STXBP5L: variants seen among roughly 807,000 people sequenced by gnomAD.
STXBP5L encodes syntaxin binding protein 5L, also known as syntaxin-binding protein 5-like.
In STXBP5L, 65 loss-of-function variants were observed where a neutral mutation model predicts 144.5. The observed-to-expected ratio is 0.45, with a 90% CI of 0.37 to 0.55. STXBP5L has a LOEUF of 0.55. Ranked by LOEUF, STXBP5L falls within the 20% of genes least tolerant of loss-of-function variation. STXBP5L has a pLI of 0.00. For missense variants in STXBP5L, 1,298 were observed against 1,405.5 expected (o/e 0.92, Z 1.22); for synonymous variants, 505 against 469.6 (o/e 1.08, Z -0.97).
rs187069530 is a variant in STXBP5L at position 121,225,877 on chromosome 3, C to A, written c.1111+2720C>A. Among the ~76,000 whole-genome samples, 76 of 152,268 alleles carry A rather than the reference C, an allele frequency of 5.0e-4. No homozygotes were observed. The East Asian group carries it at 7.9e-3, about 16-fold the overall frequency. ...AATGAGTTCCTCGTGCATTATGAAGCCCTTGAGAGACTTCTCAGGTTGGTA... is the reference window on the plus strand; with the variant it reads ...AATGAGTTCCTCGTGCATTATGAAGACCTTGAGAGACTTCTCAGGTTGGTA... On this transcript the variant is annotated intron_variant, in intron 11 of 26. Coordinates refer to ENST00000471454, the MANE Select transcript of STXBP5L (RefSeq NM_001308330.2).
At chr3:121,110,074 A>T (rs9855194) in intron 5 of STXBP5L, among the ~76,000 whole-genome samples, 15,108 of 152,084 alleles carry the variant, frequency 0.099, 1,180 homozygotes, top group Admixed American at 0.2. Context: ...ATTTTCCCTC[A>T]TCCTTTTATT....
intron 3 of STXBP5L, among the ~76,000 whole-genome samples, chr3:120,994,805 G>A (rs1255212576): frequency 6.6e-6 from 1 of 151,942 alleles, no homozygotes; most frequent in African/African-American, 2.4e-5. Context: ...CATTGAATTA[G>A]GGGGAATTTA....
intron 20 of STXBP5L, among the ~76,000 whole-genome samples, chr3:121,341,038 A>C (rs1470017063): frequency 3.9e-5 from 6 of 152,178 alleles, no homozygotes; most frequent in Non-Finnish European, 7.4e-5. Flanking sequence ...AAGATTCTGC[A>C]GAAGAAAGGA....
At chr3:121,129,213 T>C (rs2044858050) in intron 7 of STXBP5L, among the ~76,000 whole-genome samples, 1 of 152,032 alleles carries the variant, frequency 6.6e-6, no homozygotes, top group Non-Finnish European at 1.5e-5. Context: ...GCTGGAATAA[T>C]ACTCATATTG....
chr3:121,005,465 G>A (rs1438469216), intron 3 of STXBP5L, among the ~76,000 whole-genome samples: 1 of 152,090 alleles, frequency 6.6e-6, no homozygotes, highest in Non-Finnish European at 1.5e-5. Context: ...AGTCATGCTA[G>A]CGGTCTATCA....
rs184368126 is a variant in STXBP5L at position 121,342,222 on chromosome 3, T to C, written c.2176+23682T>C. Among the ~76,000 whole-genome samples, 8 of 152,192 alleles carry C rather than the reference T, an allele frequency of 5.3e-5. No individual in the cohort carries two copies. The East Asian group carries it at 1.5e-3, about 29-fold the overall frequency. ...TGTTCAAGGATCAACTGCATAAACATTTCTCATTCCTAATAAACAGGAGTT... is the reference window on the plus strand; with the variant it reads ...TGTTCAAGGATCAACTGCATAAACACTTCTCATTCCTAATAAACAGGAGTT... On this transcript the variant is annotated intron_variant, in intron 20 of 26. Coordinates refer to ENST00000471454, the MANE Select transcript of STXBP5L (RefSeq NM_001308330.2).
At chr3:121,297,188 T>C (rs184381785) in intron 19 of STXBP5L, among the ~76,000 whole-genome samples, 1 of 136,502 alleles carries the variant, frequency 7.3e-6, no homozygotes, top group Non-Finnish European at 1.6e-5. Flanking sequence ...AGAATCTGAA[T>C]GATTCTACAT....
intron 3 of STXBP5L, among the ~76,000 whole-genome samples, chr3:120,989,507 T>C (rs934122153): frequency 7.2e-5 from 11 of 152,196 alleles, no homozygotes; most frequent in African/African-American, 2.7e-4. Flanking sequence ...TTGAGTTGTT[T>C]GAATTCCTTG....
At chr3:121,288,673 A>G (rs2051313725) in intron 19 of STXBP5L, among the ~76,000 whole-genome samples, 1 of 152,216 alleles carries the variant, frequency 6.6e-6, no homozygotes, top group Non-Finnish European at 1.5e-5. Context: ...TCTTTTGCCT[A>G]CTTTTTAATA....
chr3:120,982,291 C>T lies in STXBP5L; in HGVS notation c.287+27254C>T, dbSNP rs77110414. ...TTTCCAGGAATTCCCTGCTGAGCTT[C>T]CATAGGTGGGGGGACAAAGCTGGGT... On this transcript the variant is annotated intron_variant, in intron 3 of 26. Transcript: ENST00000471454. 2.8e-4 allele frequency among the ~76,000 whole-genome samples: 42 copies of T among 152,226 alleles called. 1 individual carries two copies. In the East Asian group the frequency reaches 8.1e-3, roughly 29 times the overall value.
At chr3:121,411,992 A>T (rs1480565923) in intron 23 of STXBP5L, among the ~76,000 whole-genome samples, 1 of 152,150 alleles carries the variant, frequency 6.6e-6, no homozygotes, top group Non-Finnish European at 1.5e-5. Flanking sequence ...CATTTAATCC[A>T]TCAAGAACAT....
rs184992095 is a variant in STXBP5L, at chr3:121,094,495, C to G, written c.471-20430C>G. ...TATATATTTAGGATAGTTAGCTCTTCTTGTTGAATTAGTCCCTTTACCATT... is the reference window on the plus strand; with the variant it reads ...TATATATTTAGGATAGTTAGCTCTTGTTGTTGAATTAGTCCCTTTACCATT... On this transcript the variant is annotated intron_variant, in intron 5 of 26. Transcript: ENST00000471454. 3.9e-5 allele frequency among the ~76,000 whole-genome samples: 6 copies of G among 152,220 alleles called. No homozygotes were observed. The East Asian group carries it at 1.2e-3, about 29-fold the overall frequency.
intron 3 of STXBP5L, among the ~76,000 whole-genome samples, chr3:120,958,232 C>T (rs1938279630): frequency 6.6e-6 from 1 of 152,170 alleles, no homozygotes; most frequent in Non-Finnish European, 1.5e-5. Context: ...TCTGAATACA[C>T]CAATAACAGG....
chr3:121,423,207 C>T lies in STXBP5L; in HGVS notation c.*4110C>T, dbSNP rs1560077532. On this transcript the variant is annotated 3_prime_UTR_variant, in exon 27 of 27. Transcript: ENST00000471454. ...GTCAGGAGAAACGTGGTGGCTTTCA[C>T]AGCTTCTTCACCTCTGTCCTCTGTC... The T allele has an allele frequency of 6.6e-6, 1 of 152,300 alleles. No individual in the cohort carries two copies. Among genetic ancestry groups the T allele is most frequent in the Non-Finnish European group, 1.5e-5 (1 of 68,106 alleles). 9.4% of individuals were successfully genotyped at this position (152,300 alleles called of 1,614,324 possible).
At chr3:121,347,557 C>T (rs936738573) in intron 20 of STXBP5L, among the ~76,000 whole-genome samples, 4 of 152,144 alleles carry the variant, frequency 2.6e-5, no homozygotes, top group African/African-American at 9.7e-5. Context: ...GCAGTATGGC[C>T]ATTTTCACGA....
intron 20 of STXBP5L, among the ~76,000 whole-genome samples, chr3:121,343,761 A>G (rs1413515529): frequency 3.3e-5 from 5 of 152,172 alleles, no homozygotes; most frequent in African/African-American, 1.2e-4. Context: ...ACATAAACAA[A>G]TGGAAGAACA....
At chr3:121,397,531 C>A (rs558703846) in intron 22 of STXBP5L, among the ~76,000 whole-genome samples, 3 of 152,130 alleles carry the variant, frequency 2.0e-5, no homozygotes, top group African/African-American at 7.2e-5. Context: ...AGGTTCTGGA[C>A]GCTTAACAAT....
At chr3:121,327,040 C>T (rs1284013456) in intron 20 of STXBP5L, among the ~76,000 whole-genome samples, 3 of 152,190 alleles carry the variant, frequency 2.0e-5, no homozygotes, top group African/African-American at 7.2e-5. Context: ...TTAACCTGTT[C>T]CTAAAATTTT....
Position 121,205,988 on chromosome 3 carries a change from ACCTGC to A in STXBP5L, c.944_948del (p.Thr315LysfsTer16). Reference sequence around the variant, plus strand: ...ACCAATTCTTAAAGTAGAATACAAGACCTGCAAAAACAGGTATGCATTTTTACTTT... The same window carrying A: ...ACCAATTCTTAAAGTAGAATACAAGAAAAAACAGGTATGCATTTTTACTTT... On this transcript the variant is annotated frameshift_variant, in exon 10 of 27. Coordinates refer to ENST00000471454, the MANE Select transcript of STXBP5L (RefSeq NM_001308330.2). LOFTEE classifies it high-confidence loss of function. 6.6e-7 allele frequency: 1 copy of A among 1,507,642 alleles called. No individual in the cohort carries two copies. Among genetic ancestry groups the A allele is most frequent in the Non-Finnish European group, 8.8e-7 (1 of 1,132,998 alleles). The allele number at this position is 1,507,642 out of a possible 1,614,324, so 93.4% of individuals were successfully genotyped here.
Sources: allele counts gnomAD v4.1 joint callset (sites outside exome capture counted in the v4.1 genomes callset), GRCh38; gene constraint gnomAD v4.1.1; transcripts MANE v1.5; gene names NCBI Gene and HGNC (gene_info 2026-07-23, HGNC 2026-07-21).